ZNF474: variants seen among roughly 807,000 people sequenced by gnomAD.
The protein encoded by ZNF474 is 4933409D10Rik.
For synonymous variants in ZNF474, 192 were observed against 162.2 expected (o/e 1.18, Z -1.39); for missense variants, 511 against 433.8 (o/e 1.18, Z -1.58).
chr5:122,152,428 G>A lies in ZNF474; in HGVS notation c.438G>A (p.Gly146=), dbSNP rs553792642. 1 of 1,614,158 alleles carries A rather than the reference G, an allele frequency of 6.2e-7. No individual in the cohort carries two copies. Among genetic ancestry groups the A allele is most frequent in the African/African-American group, 1.3e-5 (1 of 75,042 alleles). ...AACCACAGTCTCTCAGCAGCAGTGG[G>A]TCCTACAGTCTTCAGGCAACTAACG... is the stretch of plus-strand genomic sequence containing the variant. ...PSKPQSLSSS[G]SYSLQATNEA... Residue 146 remains glycine, a synonymous_variant, in exon 2 of 2, where the codon GGG becomes GGA. Coordinates refer to ENST00000296600, the MANE Select transcript of ZNF474 (RefSeq NM_207317.3).
At chr5:122,146,562 A>G (rs937042498) in intron 1 of ZNF474, among the ~76,000 whole-genome samples, 1 of 152,236 alleles carries the variant, frequency 6.6e-6, no homozygotes, top group African/African-American at 2.4e-5. Context: ...GAAATTTGAA[A>G]TAACATTATT....
chr5:122,148,416 G>T (rs1394469594), intron 1 of ZNF474, among the ~76,000 whole-genome samples: 2 of 152,206 alleles, frequency 1.3e-5, no homozygotes, highest in African/African-American at 4.8e-5. Context: ...CGTGTTTGCT[G>T]CAGAGAAAAT....
chr5:122,152,047 T>C lies in ZNF474; in HGVS notation c.57T>C (p.His19=), dbSNP rs1174017067. 21 of 1,613,706 alleles carry C rather than the reference T, an allele frequency of 1.3e-5. No homozygotes were observed. The highest frequency in any genetic ancestry group is 1.7e-5 in the Non-Finnish European group (20 of 1,179,984). The change falls in exon 2 of 2, where the codon CAT becomes CAC. Residue 19 remains histidine, a synonymous_variant. Coordinates refer to ENST00000296600, the MANE Select transcript of ZNF474 (RefSeq NM_207317.3). ...ATAAGTTACAACAAACTTTTCACCATTCTAAAGAACCCACTTTCCTTATCA... is the reference window on the plus strand; with the variant it reads ...ATAAGTTACAACAAACTTTTCACCACTCTAAAGAACCCACTTTCCTTATCA... The part of the protein sequence containing the change: ...ISNKLQQTFH[H]SKEPTFLINQ...
At chr5:122,134,303 ATTTG>A (rs753854156) in intron 1 of ZNF474, among the ~76,000 whole-genome samples, 4 of 152,238 alleles carry the variant, frequency 2.6e-5, no homozygotes, top group African/African-American at 7.2e-5. Flanking sequence ...GCAGCCAAGC[ATTTG>A]TTTGAGAGGA....
chr5:122,146,828 C>T (rs892551129), intron 1 of ZNF474, among the ~76,000 whole-genome samples: 6 of 152,186 alleles, frequency 3.9e-5, no homozygotes, highest in African/African-American at 1.4e-4. Flanking sequence ...CAACTGGCTG[C>T]TAAAGCGCCA....
At chr5:122,137,886 G>A (rs1755744205) in intron 1 of ZNF474, among the ~76,000 whole-genome samples, 1 of 152,214 alleles carries the variant, frequency 6.6e-6, no homozygotes, top group East Asian at 1.9e-4. Flanking sequence ...GATGAGGGTT[G>A]AGAGCGGAAG....
At chr5:122,139,368 C>T (rs568344629) in intron 1 of ZNF474, among the ~76,000 whole-genome samples, 1 of 152,254 alleles carries the variant, frequency 6.6e-6, no homozygotes, top group East Asian at 1.9e-4. Context: ...ATGAAACAGG[C>T]TTCATTATCA....
At chr5:122,133,000 C>T (rs1488537357) in intron 1 of ZNF474, among the ~76,000 whole-genome samples, 1 of 152,106 alleles carries the variant, frequency 6.6e-6, no homozygotes, top group Non-Finnish European at 1.5e-5. Context: ...GTTGGGCAGT[C>T]CTCCTTGCAT....
Position 122,151,795 on chromosome 5 carries a change from A to T in ZNF474, c.-196A>T. ...CCTCCACAGATCTTGGAGACATCTCAGCTTTAATGAGGACTTTCCAACATT... is the reference window on the plus strand; with the variant it reads ...CCTCCACAGATCTTGGAGACATCTCTGCTTTAATGAGGACTTTCCAACATT... On this transcript the variant is annotated 5_prime_UTR_variant, in exon 2 of 2. Transcript: ENST00000296600. 1 of 589,876 alleles carries T rather than the reference A, an allele frequency of 1.7e-6. No homozygotes were observed. The highest frequency in any genetic ancestry group is 2.3e-5 in the South Asian group (1 of 44,160). The allele number at this position is 589,876 out of a possible 1,614,324, so 36.5% of individuals were successfully genotyped here.
intron 1 of ZNF474, among the ~76,000 whole-genome samples, chr5:122,130,295 AC>A (rs1755546635): frequency 6.6e-6 from 1 of 152,182 alleles, no homozygotes; most frequent in South Asian, 2.1e-4. Flanking sequence ...CAGTCAGGGC[AC>A]GGGACATTTA....
chr5:122,144,823 G>GT (rs1199999169), intron 1 of ZNF474, among the ~76,000 whole-genome samples: 2 of 152,056 alleles, frequency 1.3e-5, no homozygotes, highest in African/African-American at 2.4e-5. Context: ...TATACTGACG[G>GT]TTTGTATAAC....
rs372829215 is a variant in ZNF474 at position 122,153,049 on chromosome 5, C to T, written c.1059C>T (p.Asp353=). The change falls in exon 2 of 2, where the codon GAC becomes GAT. Residue 353 remains aspartate (D), a synonymous_variant. Coordinates refer to ENST00000296600, the MANE Select transcript of ZNF474 (RefSeq NM_207317.3). ...VTDKVIHATQ[D]ALGEPGGALC... is the part of the protein sequence containing the mutation. Reference sequence around the variant, plus strand: ...ATAAGGTAATTCATGCCACACAAGACGCATTAGGTGAACCTGGTGGTGCCC... The same window carrying T: ...ATAAGGTAATTCATGCCACACAAGATGCATTAGGTGAACCTGGTGGTGCCC... The T allele has an allele frequency of 7.3e-5, 118 of 1,613,580 alleles. No homozygotes were observed. The highest frequency in any genetic ancestry group is 2.3e-4 in the African/African-American group (17 of 75,018).
At chr5:122,149,517 C>A (rs1756106095) in intron 1 of ZNF474, among the ~76,000 whole-genome samples, 1 of 152,056 alleles carries the variant, frequency 6.6e-6, no homozygotes, top group African/African-American at 2.4e-5. Flanking sequence ...GGGATAAAAA[C>A]TAAAGGGAAG....
In ZNF474 at chr5:122,149,339, T is replaced by C. The variant is rs1453357834; in HGVS notation, c.-212-2440T>C. ...GTCACTTAACATTGAAAACATTGTG[T>C]TCCATAGCCCCAGTCTCTCTCTTCT... On this transcript the variant is annotated intron_variant, in intron 1 of 1. Coordinates refer to ENST00000296600, the MANE Select transcript of ZNF474 (RefSeq NM_207317.3). Among the ~76,000 whole-genome samples the C allele has an allele frequency of 2.0e-5, 3 of 152,192 alleles. No individual in the cohort carries two copies. In the East Asian group the frequency reaches 5.8e-4, roughly 29 times the overall value.
intron 1 of ZNF474, among the ~76,000 whole-genome samples, chr5:122,137,278 T>C (rs1230996398): frequency 2.0e-5 from 3 of 151,324 alleles, no homozygotes; most frequent in African/African-American, 7.3e-5. Flanking sequence ...CAGTAGCCCA[T>C]CTCTACTAAA....
chr5:122,147,976 A>C (rs1311611872), intron 1 of ZNF474: 3 of 152,270 alleles, frequency 2.0e-5, no homozygotes, highest in Non-Finnish European at 4.4e-5. Context: ...ATTCAGGCCA[A>C]CTGAGTGAAC....
intron 1 of ZNF474, among the ~76,000 whole-genome samples, chr5:122,140,152 T>G (rs766197899): frequency 3.3e-5 from 5 of 152,318 alleles, no homozygotes; most frequent in Non-Finnish European, 7.4e-5. Flanking sequence ...CTTCCAAAAT[T>G]CATGTTGAAA....
At chr5:122,138,806 G>A (rs1490746915) in intron 1 of ZNF474, among the ~76,000 whole-genome samples, 2 of 152,128 alleles carry the variant, frequency 1.3e-5, no homozygotes, top group Non-Finnish European at 2.9e-5. Context: ...ATGTGTATGT[G>A]TATTCATGTG....
At chr5:122,145,590 C>T (rs1036953061) in intron 1 of ZNF474, among the ~76,000 whole-genome samples, 3 of 152,138 alleles carry the variant, frequency 2.0e-5, no homozygotes, top group African/African-American at 7.2e-5. Flanking sequence ...AAAATACAAG[C>T]ATGCTTAGAA....
Sources: gnomAD v4.1 joint callset for allele counts (sites outside exome capture counted in the v4.1 genomes callset) on GRCh38, gnomAD v4.1.1 for gene constraint, MANE v1.5 for transcripts, NCBI Gene and HGNC (gene_info 2026-07-23, HGNC 2026-07-21) for gene names.